The following RDH16 variants were observed in gnomAD, a reference collection of about 807,000 sequenced individuals.
RDH16 encodes human epidermal retinol dehydrogenase.
In RDH16, 25 loss-of-function variants were observed where a neutral mutation model predicts 22.3. That is an observed-to-expected ratio of 1.12 (90% CI 0.82 to 1.56). The LOEUF is 1.56. Ranked by LOEUF, RDH16 falls within the 40% of genes most tolerant of loss-of-function variation. The pLI is 0.00. For missense variants in RDH16, 413 were observed against 394.9 expected (o/e 1.05, Z -0.39); for synonymous variants, 154 against 164.4 (o/e 0.94, Z 0.48).
chr12:56,957,412 C>A lies in RDH16; in HGVS notation c.51G>T (p.Trp17Cys). Reference protein sequence around the residue: ...VFVGLYYLLHWYRERQVLSHL... With the variant: ...VFVGLYYLLHCYRERQVLSHL... ...GGCTCAGCACCTGCCTCTCCCGGTA[C>A]CAGTGCAGAAGGTAGTACAGGCCCA... Residue 17 changes from tryptophan to cysteine, a missense_variant, in exon 1 of 4, where the codon TGG (tryptophan) becomes TGT (cysteine). Trp to Cys is a radical substitution (Grantham distance 215). Transcript: ENST00000398138. The A allele has an allele frequency of 6.2e-7, 1 of 1,614,116 alleles. No homozygotes were observed. Among genetic ancestry groups the A allele is most frequent in the Non-Finnish European group, 8.5e-7 (1 of 1,180,008 alleles).
At position 56,957,459 on chromosome 12, in the gene RDH16, A is replaced by G. The variant is rs767885626; in HGVS notation, c.4T>C (p.Trp2Arg). 6.2e-7 allele frequency: 1 copy of G among 1,609,298 alleles called. No homozygotes were observed. The highest frequency in any genetic ancestry group is 1.1e-5 in the South Asian group (1 of 90,390). The change falls in exon 1 of 4, where the codon TGG becomes CGG. Residue 2 changes from tryptophan to arginine, a missense_variant. Physicochemically the swap from Trp to Arg is moderately radical, Grantham distance 101 (BLOSUM62 -3). Coordinates refer to ENST00000398138, the MANE Select transcript of RDH16 (RefSeq NM_003708.5). ...CCCACGAAAACCGCCAGGTAGAGCCACATGGCTTTGCAGAGGACAGACACA... is the reference window on the plus strand; with the variant it reads ...CCCACGAAAACCGCCAGGTAGAGCCGCATGGCTTTGCAGAGGACAGACACA... The part of the protein sequence containing the change: M[W>R]LYLAVFVGLY...
At chr12:56,952,370 C>T in intron 3 of RDH16, 124 bp from the exon 4 acceptor site, 1 of 856,998 alleles carries the variant, frequency 1.2e-6, no homozygotes, top group Admixed American at 2.4e-5. Flanking sequence ...CAAGCAATGC[C>T]TCAAATCTCT....
chr12:56,957,219 G>C lies in RDH16; in HGVS notation c.244C>G (p.Leu82Val). ...ACGCTCTCTGTCTTGGTAACATCCA[G>C]GGTCACCGTCTCCAGCCTGTCTGAA... The part of the protein sequence containing the change: ...QTSDRLETVT[L>V]DVTKTESVAA... Residue 82 changes from leucine to valine, a missense_variant, in exon 1 of 4, where the codon CTG (leucine) becomes GTG (valine). By Grantham distance (32) the Leu-to-Val change is conservative. Coordinates refer to ENST00000398138, the MANE Select transcript of RDH16 (RefSeq NM_003708.5). The C allele has an allele frequency of 6.2e-7, 1 of 1,614,160 alleles. No homozygotes were observed. The highest frequency in any genetic ancestry group is 8.5e-7 in the Non-Finnish European group (1 of 1,180,034).
At chr12:56,954,156 T>C (rs1955906229) in intron 2 of RDH16, among the ~76,000 whole-genome samples, 4 of 152,180 alleles carry the variant, frequency 2.6e-5, no homozygotes. Flanking sequence ...CAGGCACCCA[T>C]CTCCTGGTGT....
chr12:56,952,542 A>C (rs1476164657), intron 3 of RDH16, among the ~76,000 whole-genome samples: 1 of 152,202 alleles, frequency 6.6e-6, no homozygotes, highest in Admixed American at 6.5e-5. Context: ...CTCTAATGCC[A>C]GCTTGTGATC....
intron 3 of RDH16, 31 bp from the exon 4 acceptor site, chr12:56,952,277 T>C: frequency 1.3e-6 from 2 of 1,598,372 alleles, no homozygotes; most frequent in Non-Finnish European, 1.7e-6. Context: ...TCCATGTATA[T>C]TTCCACCTCT....
chr12:56,954,285 G>A (rs931003139), intron 2 of RDH16, among the ~76,000 whole-genome samples: 1 of 152,212 alleles, frequency 6.6e-6, no homozygotes, highest in African/African-American at 2.4e-5. Context: ...CCTGGGAGGA[G>A]GGGTTGGGGT....
Position 56,951,995 on chromosome 12 carries a change from C to T in RDH16, c.*34G>A, listed in dbSNP as rs561373562. On this transcript the variant is annotated 3_prime_UTR_variant, in exon 4 of 4. Transcript: ENST00000398138. ...GATACACCACCCCTCATAGCACACC[C>T]CAAATCCATGCAACCATGCATCCAA... 19 of 1,597,570 alleles carry T rather than the reference C, an allele frequency of 1.2e-5. 1 individual carries two copies. The South Asian group carries it at 2.0e-4, about 17-fold the overall frequency.
In RDH16 at chr12:56,952,151, G is replaced by C. The variant is rs780280835; in HGVS notation, c.832C>G (p.Arg278Gly). The change falls in exon 4 of 4, where the codon CGT (arginine) becomes GGT (glycine). Residue 278 changes from arginine (R) to glycine (G), a missense_variant. Coordinates refer to ENST00000398138, the MANE Select transcript of RDH16 (RefSeq NM_003708.5). Reference sequence around the variant, plus strand: ...TCCCAGCCAGCTGAGTAGCGAGTACGGGGGTGGCAGGCAATCAGCGCATGC... The same window carrying C: ...TCCCAGCCAGCTGAGTAGCGAGTACCGGGGTGGCAGGCAATCAGCGCATGC... The part of the protein sequence containing the change: ...MEHALIACHP[R>G]TRYSAGWDAK... 4.3e-6 allele frequency: 7 copies of C among 1,614,140 alleles called. No homozygotes were observed. Among genetic ancestry groups the C allele is most frequent in the Non-Finnish European group, 5.9e-6 (7 of 1,180,010 alleles).
intron 1 of RDH16, among the ~76,000 whole-genome samples, chr12:56,956,781 T>C (rs1352776855): frequency 6.6e-6 from 1 of 152,156 alleles, no homozygotes; most frequent in Non-Finnish European, 1.5e-5. Flanking sequence ...ACAGCCTCCG[T>C]GCACACTTGC....
chr12:56,955,295 A>T (rs1955918758), intron 1 of RDH16, 131 bp from the exon 2 acceptor site: 2 of 1,096,618 alleles, frequency 1.8e-6, no homozygotes, highest in Non-Finnish European at 2.6e-6. Flanking sequence ...AGGGTATAAC[A>T]AACACCACAG....
chr12:56,952,270 A>T (rs781378207), intron 3 of RDH16, 24 bp from the exon 4 acceptor site: 1 of 1,607,170 alleles, frequency 6.2e-7, no homozygotes, highest in Non-Finnish European at 8.5e-7. Context: ...GAAACAATCC[A>T]TGTATATTTC....
At position 56,952,865 on chromosome 12, in the gene RDH16, T is replaced by G; in HGVS notation, c.698A>C (p.Glu233Ala). The change falls in exon 3 of 4, where the codon GAG (glutamate) becomes GCG (alanine). Residue 233 changes from glutamate to alanine, a missense_variant. Transcript: ENST00000398138. ...FLEIWDRSSP[E>A]VKEAYGEKFV... ...CTTCTCGCCATAGGCCTCCTTGACC[T>G]CTGGACTGGACCGGTCCCAAATCTC... The G allele has an allele frequency of 1.2e-6, 2 of 1,614,044 alleles. No homozygotes were observed. Among genetic ancestry groups the G allele is most frequent in the Non-Finnish European group, 8.5e-7 (1 of 1,179,986 alleles).
At chr12:56,954,772 G>A (rs867199536) in intron 2 of RDH16, 134 bp downstream of exon 2, 18 of 930,950 alleles carry the variant, frequency 1.9e-5, no homozygotes, top group Middle Eastern at 6.8e-4. Flanking sequence ...GAAGATGAGG[G>A]TGTCACACAT....
At chr12:56,952,703 G>GTC in intron 3 of RDH16, 124 bp downstream of exon 3, 1 of 1,210,506 alleles carries the variant, frequency 8.3e-7, no homozygotes, top group Non-Finnish European at 1.1e-6. Context: ...GGGGCTAAAG[G>GTC]TCTCCACTCT....
chr12:56,952,818 C>T lies in RDH16; in HGVS notation c.736+9G>A, dbSNP rs766420681. ...TTGCTTCTCTCCCCACTGTCCACAG[C>T]TTACTCACAGTCTGCAACAAACTTC... On this transcript the variant is annotated intron_variant, in intron 3 of 3. Coordinates refer to ENST00000398138, the MANE Select transcript of RDH16 (RefSeq NM_003708.5). 8 of 1,611,448 alleles carry T rather than the reference C, an allele frequency of 5.0e-6. No individual in the cohort carries two copies. Among genetic ancestry groups the T allele is most frequent in the Non-Finnish European group, 5.9e-6 (7 of 1,178,772 alleles).
At chr12:56,952,353 C>A (rs1386782048) in intron 3 of RDH16, 107 bp from the exon 4 acceptor site, 3 of 1,035,674 alleles carry the variant, frequency 2.9e-6, no homozygotes, top group African/African-American at 3.2e-5. Flanking sequence ...ACCCCACAAC[C>A]CCCAGTCAAG....
At chr12:56,952,707 C>T in intron 3 of RDH16, 120 bp downstream of exon 3, 1 of 1,272,684 alleles carries the variant, frequency 7.9e-7, no homozygotes, top group Non-Finnish European at 1.1e-6. Context: ...CTAAAGGTCT[C>T]CACTCTGTGG....
chr12:56,952,040 TGGCCG>T lies in RDH16; in HGVS notation c.938_942del (p.Pro313GlnfsTer66). On this transcript the variant is annotated frameshift_variant, in exon 4 of 4. Coordinates refer to ENST00000398138, the MANE Select transcript of RDH16 (RefSeq NM_003708.5). LOFTEE classifies it high-confidence loss of function. ...ATCCAACCTTAGCTTCATAGAGCCT[TGGCCG>T]GGCTTGGAGAGACCCAGTACATAAT... is the stretch of plus-strand genomic sequence containing the variant. 1 of 1,613,980 alleles carries T rather than the reference TGGCCG, an allele frequency of 6.2e-7. No individual in the cohort carries two copies. Among genetic ancestry groups the T allele is most frequent in the Non-Finnish European group, 8.5e-7 (1 of 1,179,920 alleles).
Sources: gnomAD v4.1 joint callset for allele counts (sites outside exome capture counted in the v4.1 genomes callset) on GRCh38, gnomAD v4.1.1 for gene constraint, MANE v1.5 for transcripts, NCBI Gene and HGNC (gene_info 2026-07-23, HGNC 2026-07-21) for gene names.